STK33: variants seen among roughly 807,000 people sequenced by gnomAD.
STK33 encodes the protein serine/threonine-protein kinase 33.
In STK33, 52 loss-of-function variants were observed where a neutral mutation model predicts 58.0. That is an observed-to-expected ratio of 0.90 (90% CI 0.72 to 1.13). The LOEUF (loss-of-function observed/expected upper bound fraction) is 1.13, where lower values mean the gene tolerates loss of function less well. Ranked by LOEUF, STK33 falls within the 50% of genes most tolerant of loss-of-function variation. The probability of loss-of-function intolerance (pLI) is 0.00; values close to 1 mark genes in which losing one functional copy is unlikely to be tolerated. For synonymous variants in STK33, 215 were observed against 200.1 expected (o/e 1.07, Z -0.63); for missense variants, 630 against 604.2 (o/e 1.04, Z -0.45).
At chr11:8,515,891 A>G (rs1952737028) in intron 1 of STK33, among the ~76,000 whole-genome samples, 1 of 152,208 alleles carries the variant, frequency 6.6e-6, no homozygotes, top group Non-Finnish European at 1.5e-5. Context: ...CATCACACTC[A>G]AAGGCGTAAA....
At chr11:8,357,130 T>C in the STK33 span, among the ~76,000 whole-genome samples, 1 of 152,252 alleles carries the variant, frequency 6.6e-6, no homozygotes, top group East Asian at 1.9e-4. Context: ...GGCTCCCAAG[T>C]TCTGAAATGA....
At chr11:8,435,019 C>A (rs1943892936) in intron 14 of STK33, among the ~76,000 whole-genome samples, 1 of 152,132 alleles carries the variant, frequency 6.6e-6, no homozygotes, top group East Asian at 1.9e-4. Flanking sequence ...GTGCTTGAAG[C>A]ATTAGTCTAA....
intron 1 of STK33, among the ~76,000 whole-genome samples, chr11:8,582,566 C>A (rs1200690932): frequency 6.6e-6 from 1 of 152,160 alleles, no homozygotes; most frequent in African/African-American, 2.4e-5. Context: ...CTCACGAGAA[C>A]AGCATCAGGG....
chr11:8,555,936 C>T (rs909168290), intron 1 of STK33, among the ~76,000 whole-genome samples: 4 of 152,076 alleles, frequency 2.6e-5, no homozygotes, highest in Admixed American at 1.3e-4. Flanking sequence ...AAAGAAGTAA[C>T]TTCCAGCTAG....
intron 1 of STK33, among the ~76,000 whole-genome samples, chr11:8,490,357 G>C (rs762083262): frequency 6.6e-6 from 1 of 152,182 alleles, no homozygotes; most frequent in Non-Finnish European, 1.5e-5. Context: ...CAGCAACCTG[G>C]CAGGGGGAGG....
the STK33 span, among the ~76,000 whole-genome samples, chr11:8,335,709 A>G: frequency 6.6e-6 from 1 of 152,236 alleles, no homozygotes; most frequent in Non-Finnish European, 1.5e-5. Flanking sequence ...TTAATAATAC[A>G]TTTTCTTTAA....
intron 8 of STK33, among the ~76,000 whole-genome samples, chr11:8,459,972 C>T (rs1158375890): frequency 3.3e-5 from 5 of 152,148 alleles, no homozygotes; most frequent in Non-Finnish European, 4.4e-5. Context: ...AGGTAAACCT[C>T]GTAATTCATG....
rs545573210 is a variant in STK33, at chr11:8,406,812, T to C, written c.1344+6683A>G. On this transcript the variant is annotated intron_variant, in intron 15 of 15. Coordinates refer to ENST00000687296, the MANE Select transcript of STK33 (RefSeq NM_001352389.2). ...ACAGTTTTATTCTTCCTTTACAATA[T>C]ATATAATTTTATTTCTTTTAATTGC... 7.9e-5 allele frequency among the ~76,000 whole-genome samples: 12 copies of C among 152,252 alleles called. No homozygotes were observed. The South Asian group carries it at 2.5e-3, about 32-fold the overall frequency.
At chr11:8,559,391 C>CA (rs1433750492) in intron 1 of STK33, among the ~76,000 whole-genome samples, 3 of 152,126 alleles carry the variant, frequency 2.0e-5, no homozygotes, top group Admixed American at 1.3e-4. Flanking sequence ...GTAATAAAAA[C>CA]AGTGTTCACT....
intron 1 of STK33, among the ~76,000 whole-genome samples, chr11:8,519,517 C>T (rs1953173643): frequency 6.6e-6 from 1 of 151,984 alleles, no homozygotes; most frequent in African/African-American, 2.4e-5. Flanking sequence ...GAGACAGAGA[C>T]ACAAAAAACC....
At chr11:8,586,917 A>G (rs1341219707) in intron 1 of STK33, among the ~76,000 whole-genome samples, 1 of 151,120 alleles carries the variant, frequency 6.6e-6, no homozygotes, top group Non-Finnish European at 1.5e-5. Context: ...TTATCTTTGT[A>G]TCCCAAAAAC....
At chr11:8,541,544 C>T (rs1955517569) in intron 1 of STK33, among the ~76,000 whole-genome samples, 1 of 152,128 alleles carries the variant, frequency 6.6e-6, no homozygotes, top group South Asian at 2.1e-4. Flanking sequence ...ACAGTATGAA[C>T]AACTCCTTAC....
chr11:8,358,813 ATT>A, the STK33 span, among the ~76,000 whole-genome samples: 2 of 152,252 alleles, frequency 1.3e-5, no homozygotes, highest in East Asian at 3.8e-4. Flanking sequence ...GGAATGGGAT[ATT>A]TACACAGTCT....
At chr11:8,510,888 C>G (rs1952262445) in intron 1 of STK33, among the ~76,000 whole-genome samples, 2 of 152,118 alleles carry the variant, frequency 1.3e-5, no homozygotes, top group Admixed American at 1.3e-4. Context: ...CAGTGCCATG[C>G]TGCTTTGGTA....
chr11:8,381,642 C>T, the STK33 span, among the ~76,000 whole-genome samples: 325 of 152,238 alleles, frequency 2.1e-3, 1 homozygote, highest in African/African-American at 7.4e-3. Flanking sequence ...TAGTGAGCAC[C>T]GAGCAGCTGG....
At chr11:8,352,418 G>A in the STK33 span, among the ~76,000 whole-genome samples, 1 of 152,156 alleles carries the variant, frequency 6.6e-6, no homozygotes, top group Admixed American at 6.5e-5. Context: ...GTGAGTGTTA[G>A]AGCTTCCTCA....
At chr11:8,548,161 T>TA (rs1219464562) in intron 1 of STK33, among the ~76,000 whole-genome samples, 2,055 of 142,724 alleles carry the variant, frequency 0.014, 20 homozygotes, top group African/African-American at 0.023. Flanking sequence ...TAAAGTATAA[T>TA]AAAAAAAAAA....
chr11:8,342,729 A>G, the STK33 span, among the ~76,000 whole-genome samples: 1 of 152,256 alleles, frequency 6.6e-6, no homozygotes, highest in Non-Finnish European at 1.5e-5. Context: ...AGGCTCAGTG[A>G]CTTGCCCAAG....
intron 14 of STK33, among the ~76,000 whole-genome samples, chr11:8,432,103 C>T (rs763656011): frequency 3.9e-5 from 6 of 152,128 alleles, no homozygotes; most frequent in Non-Finnish European, 8.8e-5. Context: ...GGCACACGTG[C>T]GTGTACACAC....
Sources: allele counts gnomAD v4.1 joint callset (sites outside exome capture counted in the v4.1 genomes callset), GRCh38; gene constraint gnomAD v4.1.1; transcripts MANE v1.5; gene names NCBI Gene and HGNC (gene_info 2026-07-23, HGNC 2026-07-21).